NAALADL2: variants seen among roughly 807,000 people sequenced by gnomAD.
NAALADL2 encodes the protein inactive N-acetylated-alpha-linked acidic dipeptidase-like protein 2.
In NAALADL2, 76 loss-of-function variants were observed where a neutral mutation model predicts 87.2. That is an observed-to-expected ratio of 0.87 (90% CI 0.72 to 1.05). The LOEUF is 1.05. Ranked by LOEUF, NAALADL2 falls within the 50% of genes least tolerant of loss-of-function variation. The pLI is 0.00. For missense variants in NAALADL2, 1,089 were observed against 945.8 expected (o/e 1.15, Z -1.99); for synonymous variants, 354 against 331.0 (o/e 1.07, Z -0.75).
chr3:174,540,477 T>C (rs942774498), intron 1 of NAALADL2, among the ~76,000 whole-genome samples: 1 of 152,210 alleles, frequency 6.6e-6, no homozygotes, highest in Non-Finnish European at 1.5e-5. Flanking sequence ...GTTTTCTCTT[T>C]AAGTTACTAA....
At chr3:175,733,992 C>T (rs548873780) in intron 11 of NAALADL2, among the ~76,000 whole-genome samples, 1 of 152,290 alleles carries the variant, frequency 6.6e-6, no homozygotes, top group East Asian at 1.9e-4. Flanking sequence ...GGTATAGCCC[C>T]CCTCCTGGCT....
intron 1 of NAALADL2, among the ~76,000 whole-genome samples, chr3:174,989,140 G>A (rs1399759088): frequency 1.3e-5 from 2 of 152,244 alleles, no homozygotes; most frequent in African/African-American, 2.4e-5. Context: ...ACTCATGACC[G>A]TGAGGACAGC....
chr3:175,008,508 T>C (rs1037848516), intron 1 of NAALADL2, among the ~76,000 whole-genome samples: 2 of 152,240 alleles, frequency 1.3e-5, no homozygotes, highest in Admixed American at 1.3e-4. Context: ...ACTCCTGTAA[T>C]GAGTCCTCAG....
intron 6 of NAALADL2, chr3:175,460,300 G>A (rs1722922540): frequency 1.4e-5 from 6 of 425,362 alleles, no homozygotes; most frequent in South Asian, 8.5e-5. Flanking sequence ...TCAGATGTGA[G>A]TATGGAATAA....
intron 1 of NAALADL2, among the ~76,000 whole-genome samples, chr3:175,065,388 A>G (rs9881440): frequency 0.14 from 21,481 of 152,196 alleles, 3,866 homozygotes; most frequent in African/African-American, 0.43. Flanking sequence ...AGATTCTTTC[A>G]GAGTCAAAAA....
At chr3:175,106,748 C>T (rs1218007005) in intron 2 of NAALADL2, among the ~76,000 whole-genome samples, 2 of 151,988 alleles carry the variant, frequency 1.3e-5, no homozygotes, top group Non-Finnish European at 2.9e-5. Context: ...AAGTGGCAGA[C>T]GTGGTCCTTT....
intron 1 of NAALADL2, among the ~76,000 whole-genome samples, chr3:174,889,606 G>C (rs7611691): frequency 5.0e-4 from 76 of 151,918 alleles, no homozygotes; most frequent in African/African-American, 1.7e-3. Context: ...TTGAGAGCCA[G>C]ATGACAGAGT....
chr3:175,102,606 C>T (rs750100022), intron 2 of NAALADL2, among the ~76,000 whole-genome samples: 2 of 152,104 alleles, frequency 1.3e-5, no homozygotes, highest in African/African-American at 2.4e-5. Flanking sequence ...TATTTTCTGA[C>T]TTCACAAATA....
intron 1 of NAALADL2, among the ~76,000 whole-genome samples, chr3:174,532,604 A>G (rs1200875532): frequency 1.3e-5 from 2 of 152,192 alleles, no homozygotes; most frequent in African/African-American, 4.8e-5. Flanking sequence ...AGAAAAAAAT[A>G]TAACTGGTTT....
chr3:175,366,657 C>T (rs1004413807), intron 5 of NAALADL2, among the ~76,000 whole-genome samples: 1 of 151,544 alleles, frequency 6.6e-6, no homozygotes, highest in Non-Finnish European at 1.5e-5. Context: ...TAAATGTCTT[C>T]TTTTGAGAAG....
chr3:174,970,426 C>T (rs1253429060), intron 1 of NAALADL2, among the ~76,000 whole-genome samples: 2 of 152,058 alleles, frequency 1.3e-5, no homozygotes, highest in African/African-American at 2.4e-5. Context: ...AGCTCTTTTG[C>T]TCTATTTCAG....
chr3:175,530,968 G>A (rs1237156159), intron 9 of NAALADL2, among the ~76,000 whole-genome samples: 3 of 152,098 alleles, frequency 2.0e-5, no homozygotes, highest in African/African-American at 7.2e-5. Context: ...TGCAGAAGAT[G>A]GCAGGGCCTT....
chr3:175,185,661 A>G (rs916597551), intron 2 of NAALADL2, among the ~76,000 whole-genome samples: 1 of 151,518 alleles, frequency 6.6e-6, no homozygotes, highest in African/African-American at 2.4e-5. Context: ...GAAGATTATG[A>G]TCGTGGCACT....
intron 3 of NAALADL2, among the ~76,000 whole-genome samples, chr3:175,247,074 A>G (rs1314743605): frequency 1.3e-5 from 2 of 152,158 alleles, no homozygotes; most frequent in Non-Finnish European, 2.9e-5. Context: ...TTTCTTTTAG[A>G]CACAATGTTT....
intron 2 of NAALADL2, among the ~76,000 whole-genome samples, chr3:174,642,507 TAAAAAAAA>T (rs10576356): frequency 2.4e-5 from 3 of 122,538 alleles, no homozygotes; most frequent in African/African-American, 8.9e-5. Flanking sequence ...TCTCTGGGGA[TAAAAAAAA>T]AAAAAAAAAA....
chr3:175,726,110 C>G (rs551640569), intron 11 of NAALADL2, among the ~76,000 whole-genome samples: 7 of 151,904 alleles, frequency 4.6e-5, no homozygotes, highest in African/African-American at 1.7e-4. Context: ...AAAGTCAAAA[C>G]ATGACTATAT....
chr3:175,542,719 T>G (rs1560730476), intron 9 of NAALADL2, among the ~76,000 whole-genome samples: 1 of 152,184 alleles, frequency 6.6e-6, no homozygotes, highest in Non-Finnish European at 1.5e-5. Context: ...TGGAGCCAAC[T>G]GTAATTATTG....
At chr3:175,362,192 T>C (rs1346827970) in intron 5 of NAALADL2, among the ~76,000 whole-genome samples, 2 of 148,206 alleles carry the variant, frequency 1.3e-5, no homozygotes, top group African/African-American at 4.9e-5. Flanking sequence ...TGTGGTATTA[T>C]TTCTGAGGGC....
intron 5 of NAALADL2, among the ~76,000 whole-genome samples, chr3:175,420,528 G>C (rs1315706746): frequency 6.6e-6 from 1 of 151,992 alleles, no homozygotes; most frequent in Non-Finnish European, 1.5e-5. Context: ...CATACAGCCA[G>C]TGAATTCCAA....
Sources: allele counts gnomAD v4.1 joint callset (sites outside exome capture counted in the v4.1 genomes callset), GRCh38; gene constraint gnomAD v4.1.1; transcripts MANE v1.5; gene names NCBI Gene and HGNC (gene_info 2026-07-23, HGNC 2026-07-21).